Variants in SLC19A1 observed in about 807,000 individuals in gnomAD.
SLC19A1 encodes the protein reduced folate transporter.
In SLC19A1, 37 loss-of-function variants were observed where a neutral mutation model predicts 35.3. The ratio of observed to expected loss-of-function variants is 1.05; its 90% CI spans 0.81 to 1.38. The LOEUF (loss-of-function observed/expected upper bound fraction) is 1.38. Ranked by LOEUF, SLC19A1 falls within the 40% of genes most tolerant of loss-of-function variation. The pLI is 0.00. For missense variants in SLC19A1, 831 were observed against 826.9 expected (o/e 1.00, Z -0.06); for synonymous variants, 460 against 398.5 (o/e 1.15, Z -1.84).
At chr21:45,550,315 T>C (rs1355514230) in intron 1 of SLC19A1, among the ~76,000 whole-genome samples, 1 of 152,156 alleles carries the variant, frequency 6.6e-6, no homozygotes, top group Admixed American at 6.5e-5. Context: ...AGGTGGCAGC[T>C]GTTGGTTCTC....
intron 5 of SLC19A1, among the ~76,000 whole-genome samples, chr21:45,519,639 T>C (rs2077381380): frequency 7.0e-6 from 1 of 143,742 alleles, no homozygotes; most frequent in Non-Finnish European, 1.5e-5. Flanking sequence ...ATAATCCCAC[T>C]ATTACACAAT....
chr21:45,555,179 GGT>G (rs1187180218), intron 1 of SLC19A1, among the ~76,000 whole-genome samples: 1,089 of 58,502 alleles, frequency 0.019, 240 homozygotes, highest in Non-Finnish European at 0.024. Flanking sequence ...CGCAGGGGGC[GGT>G]GCAGGGGGCG....
intron 5 of SLC19A1, among the ~76,000 whole-genome samples, chr21:45,524,526 A>C (rs1239097249): frequency 2.7e-3 from 19 of 7,020 alleles, no homozygotes; most frequent in African/African-American, 3.4e-3. Context: ...GAGTGTTCAC[A>C]CCTGGGCCTC....
chr21:45,553,421 C>T (rs1602948280), intron 1 of SLC19A1, among the ~76,000 whole-genome samples: 1 of 152,004 alleles, frequency 6.6e-6, no homozygotes, highest in South Asian at 2.1e-4. Flanking sequence ...ATCACAGTGC[C>T]AGCCCTAGGC....
chr21:45,507,056 G>A (rs1378342078), intron 3 of SLC19A1: 1 of 328,360 alleles, frequency 3.0e-6, no homozygotes, highest in Non-Finnish European at 6.1e-6. Flanking sequence ...CCTAGCAAAC[G>A]CGTGCTGGGA....
chr21:45,531,500 C>T lies in SLC19A1; in HGVS notation c.838G>A (p.Gly280Ser). ...ACGTAGTAGACCACCAGGTAGTAGC[C>T]GGCCGAGTTGAAGACCCACCAGAGG... ...WSLWWVFNSA[G>S]YYLVVYYVHI... Residue 280 changes from glycine to serine, a missense_variant, in exon 3 of 6, where the codon GGC becomes AGC. Transcript: ENST00000311124. 6.2e-7 allele frequency: 1 copy of T among 1,612,750 alleles called. No homozygotes were observed. Among genetic ancestry groups the T allele is most frequent in the Non-Finnish European group, 8.5e-7 (1 of 1,179,786 alleles).
intron 1 of SLC19A1, among the ~76,000 whole-genome samples, chr21:45,541,110 C>A (rs184574738): frequency 7.5e-4 from 114 of 152,318 alleles, no homozygotes; most frequent in African/African-American, 2.6e-3. Flanking sequence ...TTAGACCCTC[C>A]GGCTATCACT....
intron 2 of SLC19A1, among the ~76,000 whole-genome samples, chr21:45,536,692 AGGGTTG>A (rs1460233307): frequency 2.6e-5 from 4 of 152,058 alleles, no homozygotes; most frequent in Non-Finnish European, 5.9e-5. Flanking sequence ...AGGGTCTGGG[AGGGTTG>A]GGGTCCGGCT....
chr21:45,528,953 TTATAAC>T (rs1320953284), intron 4 of SLC19A1, among the ~76,000 whole-genome samples: 2 of 152,310 alleles, frequency 1.3e-5, no homozygotes, highest in East Asian at 3.9e-4. Flanking sequence ...ATCAATGACT[TTATAAC>T]TAAAACCTTT....
At chr21:45,545,893 T>C (rs1451998280), upstream of SLC19A1, among the ~76,000 whole-genome samples, 1 of 152,182 alleles carries the variant, frequency 6.6e-6, no homozygotes, top group Non-Finnish European at 1.5e-5. Flanking sequence ...AGAGGTGCGG[T>C]GCGCCCTGTA....
upstream of SLC19A1, among the ~76,000 whole-genome samples, chr21:45,543,477 G>A (rs1012998817): frequency 6.6e-6 from 1 of 152,236 alleles, no homozygotes; most frequent in Non-Finnish European, 1.5e-5. Flanking sequence ...GCAGCCCCTG[G>A]AATGTACCCC....
intron 1 of SLC19A1, among the ~76,000 whole-genome samples, chr21:45,556,304 G>A (rs1394596768): frequency 6.6e-6 from 1 of 152,162 alleles, no homozygotes; most frequent in Non-Finnish European, 1.5e-5. Context: ...GCGGACCCAA[G>A]ACTGCAAGCT....
chr21:45,547,279 C>A (rs2078424336), upstream of SLC19A1, among the ~76,000 whole-genome samples: 1 of 152,060 alleles, frequency 6.6e-6, no homozygotes, highest in South Asian at 2.1e-4. Context: ...ATTGTGTAAA[C>A]CAAAAATAAA....
At chr21:45,512,084 A>AC (rs2037644287), downstream of SLC19A1, 33 of 1,259,392 alleles carry the variant, frequency 2.6e-5, no homozygotes, top group Non-Finnish European at 3.5e-5. Context: ...CCCCCTGGTA[A>AC]CCCCAGGGCT....
chr21:45,515,557 T>C lies in SLC19A1; in HGVS notation c.*101A>G. The C allele has an allele frequency of 6.4e-7, 1 of 1,562,352 alleles. No individual in the cohort carries two copies. Among genetic ancestry groups the C allele is most frequent in the Non-Finnish European group, 8.6e-7 (1 of 1,164,664 alleles). Reference sequence around the variant, plus strand: ...AATCCTAGGGGGCCTGCTAGCAGGATAAGCGGAGGCCCCCATTGCTAAGGC... The same window carrying C: ...AATCCTAGGGGGCCTGCTAGCAGGACAAGCGGAGGCCCCCATTGCTAAGGC... On this transcript the variant is annotated 3_prime_UTR_variant, in exon 6 of 6. Coordinates refer to ENST00000311124, the MANE Select transcript of SLC19A1 (RefSeq NM_194255.4).
chr21:45,504,691 C>T (rs1444910301), intron 3 of SLC19A1: 7 of 769,314 alleles, frequency 9.1e-6, no homozygotes, highest in Admixed American at 2.7e-5. Context: ...CCGACATGTC[C>T]CTGTCCCCGT....
intron 4 of SLC19A1, among the ~76,000 whole-genome samples, chr21:45,529,589 C>CTCCATGTGTGAGCGTGTG (rs1568994387): frequency 6.2e-5 from 9 of 144,598 alleles, no homozygotes; most frequent in Non-Finnish European, 1.2e-4. Flanking sequence ...GTGTGGGTGT[C>CTCCATGTGTGAGCGTGTG]TCCATGTGTG....
Position 45,531,653 on chromosome 21 carries a change from G to A in SLC19A1, c.685C>T (p.Arg229Cys). 6.2e-7 allele frequency: 1 copy of A among 1,612,198 alleles called. No individual in the cohort carries two copies. The highest frequency in any genetic ancestry group is 1.1e-5 in the South Asian group (1 of 91,062). Residue 229 changes from arginine (R) to cysteine (C), a missense_variant, in exon 3 of 6, where the codon CGC becomes TGC. Coordinates refer to ENST00000311124, the MANE Select transcript of SLC19A1 (RefSeq NM_194255.4). Reference sequence around the variant, plus strand: ...TTCCCGCCTGGGCCAGGATTCATGCGCTCCAGCTCCGAAGCCGAGGTTTCG... The same window carrying A: ...TTCCCGCCTGGGCCAGGATTCATGCACTCCAGCTCCGAAGCCGAGGTTTCG... ...RCETSASELE[R>C]MNPGPGGKLG... is the part of the protein sequence containing the mutation.
intron 2 of SLC19A1, among the ~76,000 whole-genome samples, chr21:45,532,367 C>T (rs561382221): frequency 6.6e-6 from 1 of 152,230 alleles, no homozygotes; most frequent in South Asian, 2.1e-4. Context: ...GGAGCGTTCG[C>T]CTGCGGAAAG....
Sources: allele counts gnomAD v4.1 joint callset (sites outside exome capture counted in the v4.1 genomes callset), GRCh38; gene constraint gnomAD v4.1.1; transcripts MANE v1.5; gene names NCBI Gene and HGNC (gene_info 2026-07-23, HGNC 2026-07-21).